The following NPAS3 variants were observed in gnomAD, a reference collection of about 807,000 sequenced individuals.
NPAS3 encodes neuronal PAS domain-containing protein 3.
NPAS3 carries 14 observed loss-of-function variants against 73.1 expected under a neutral mutation model. The ratio of observed to expected loss-of-function variants is 0.19; its 90% CI spans 0.13 to 0.30. The LOEUF (loss-of-function observed/expected upper bound fraction) is 0.30, where lower values mean the gene tolerates loss of function less well. Ranked by LOEUF, NPAS3 falls within the 10% of genes least tolerant of loss-of-function variation. The pLI is 1.00. For missense variants in NPAS3, 1,096 were observed against 1,250.0 expected (o/e 0.88, Z 1.86); for synonymous variants, 620 against 541.5 (o/e 1.14, Z -2.01).
At chr14:33,083,227 CCT>C (rs2041920280) in intron 2 of NPAS3, among the ~76,000 whole-genome samples, 2 of 2,730 alleles carry the variant, frequency 7.3e-4, no homozygotes, top group Non-Finnish European at 1.6e-3. Context: ...AGGGACTTTG[CCT>C]TTGCCTCCAC....
chr14:33,558,953 G>A (rs2139744161), intron 4 of NPAS3, among the ~76,000 whole-genome samples: 2 of 149,370 alleles, frequency 1.3e-5, no homozygotes, highest in Admixed American at 1.3e-4. Context: ...CAAAACAAAA[G>A]ACATGCGGAT....
chr14:33,799,849 C>T (rs764986458), exon 12 of NPAS3: 2 of 1,613,972 alleles, frequency 1.2e-6, no homozygotes, highest in Non-Finnish European at 8.5e-7. Context: ...TGAACTGCAA[C>T]GACGACGGCC....
At chr14:33,611,897 A>C (rs7145066) in intron 5 of NPAS3, among the ~76,000 whole-genome samples, 57,118 of 152,084 alleles carry the variant, frequency 0.38, 11,883 homozygotes, top group East Asian at 0.68. Flanking sequence ...GAGAGGAAAT[A>C]GATTAAAAAT....
intron 4 of NPAS3, among the ~76,000 whole-genome samples, chr14:33,448,339 T>G (rs2049617140): frequency 1.3e-5 from 2 of 152,144 alleles, no homozygotes; most frequent in African/African-American, 4.8e-5. Flanking sequence ...TTTAAGGGGA[T>G]AACAGATTTC....
intron 5 of NPAS3, among the ~76,000 whole-genome samples, chr14:33,666,772 A>G (rs981781213): frequency 6.6e-6 from 1 of 152,196 alleles, no homozygotes; most frequent in Admixed American, 6.5e-5. Context: ...CCCAAATGCA[A>G]TGTGTTACAG....
At chr14:33,286,073 C>T (rs992307611) in intron 3 of NPAS3, among the ~76,000 whole-genome samples, 25 of 152,118 alleles carry the variant, frequency 1.6e-4, no homozygotes, top group Non-Finnish European at 2.9e-4. Context: ...GACCATGACT[C>T]TTATCTTCCC....
intron 1 of NPAS3, among the ~76,000 whole-genome samples, chr14:33,023,102 A>AT (rs1218604759): frequency 6.6e-6 from 1 of 151,914 alleles, no homozygotes; most frequent in Non-Finnish European, 1.5e-5. Flanking sequence ...TAAAAAAAAA[A>AT]GAAAAGAGGC....
At chr14:33,524,149 T>G (rs1030523271) in intron 4 of NPAS3, among the ~76,000 whole-genome samples, 1 of 152,200 alleles carries the variant, frequency 6.6e-6, no homozygotes, top group Non-Finnish European at 1.5e-5. Context: ...TCAGAAAGAC[T>G]GTCTTGACAA....
intron 3 of NPAS3, among the ~76,000 whole-genome samples, chr14:33,239,344 AG>A (rs2048141809): frequency 6.6e-6 from 1 of 151,946 alleles, no homozygotes; most frequent in Admixed American, 6.6e-5. Context: ...ACATCTTGAA[AG>A]GAAACAAACT....
intron 3 of NPAS3, among the ~76,000 whole-genome samples, chr14:33,343,591 G>C (rs181534110): frequency 6.6e-6 from 1 of 152,142 alleles, no homozygotes; most frequent in African/African-American, 2.4e-5. Flanking sequence ...AATGCTTCTG[G>C]AACATTCTTC....
At chr14:33,630,496 T>C (rs529242920) in intron 5 of NPAS3, among the ~76,000 whole-genome samples, 2 of 152,166 alleles carry the variant, frequency 1.3e-5, no homozygotes, top group Non-Finnish European at 2.9e-5. Flanking sequence ...ATTACCCAAG[T>C]AATGAAATAC....
chr14:33,613,128 A>G (rs2057801864), intron 5 of NPAS3, among the ~76,000 whole-genome samples: 1 of 152,314 alleles, frequency 6.6e-6, no homozygotes, highest in African/African-American at 2.4e-5. Context: ...TCAAATATGG[A>G]TAATATAAAA....
intron 4 of NPAS3, among the ~76,000 whole-genome samples, chr14:33,501,788 T>A (rs1341307368): frequency 6.6e-6 from 1 of 151,880 alleles, no homozygotes; most frequent in Non-Finnish European, 1.5e-5. Flanking sequence ...CTTTAAGAGA[T>A]CTGATGTTGA....
intron 5 of NPAS3, among the ~76,000 whole-genome samples, chr14:33,659,286 A>G (rs992830041): frequency 6.6e-6 from 1 of 152,178 alleles, no homozygotes; most frequent in Non-Finnish European, 1.5e-5. Flanking sequence ...AACAGAGGAA[A>G]CGCCAGAGTA....
intron 3 of NPAS3, among the ~76,000 whole-genome samples, chr14:33,286,402 G>A (rs2041875052): frequency 6.6e-6 from 1 of 152,136 alleles, no homozygotes; most frequent in South Asian, 2.1e-4. Flanking sequence ...TGGATACAGA[G>A]ATAGTAATCA....
chr14:33,351,300 C>T (rs1348283255), intron 3 of NPAS3, among the ~76,000 whole-genome samples: 1 of 152,116 alleles, frequency 6.6e-6, no homozygotes, highest in Non-Finnish European at 1.5e-5. Context: ...ATGGGGTCGA[C>T]GACAAACATG....
chr14:33,544,572 A>G (rs1468613191), intron 4 of NPAS3, among the ~76,000 whole-genome samples: 2 of 151,496 alleles, frequency 1.3e-5, no homozygotes, highest in Non-Finnish European at 2.9e-5. Flanking sequence ...CCATGTGAGG[A>G]CACAGCAAAA....
chr14:33,191,479 G>A (rs374221810), intron 2 of NPAS3, among the ~76,000 whole-genome samples: 17 of 152,198 alleles, frequency 1.1e-4, no homozygotes, highest in Middle Eastern at 3.4e-3. Context: ...ATTCTTAGGG[G>A]CCATTCATCT....
intron 3 of NPAS3, among the ~76,000 whole-genome samples, chr14:33,304,401 C>T (rs1240681865): frequency 6.6e-6 from 1 of 151,828 alleles, no homozygotes; most frequent in Non-Finnish European, 1.5e-5. Flanking sequence ...GAAAGTTGGT[C>T]CTCAAACACA....
Sources: gnomAD v4.1 joint callset for allele counts (sites outside exome capture counted in the v4.1 genomes callset) on GRCh38, gnomAD v4.1.1 for gene constraint, MANE v1.5 for transcripts, NCBI Gene and HGNC (gene_info 2026-07-23, HGNC 2026-07-21) for gene names.